CYREN: variants seen among roughly 807,000 people sequenced by gnomAD.
CYREN encodes cell cycle regulator of non-homologous end joining.
CYREN carries 7 observed loss-of-function variants against 9.7 expected under a neutral mutation model. The observed-to-expected ratio is 0.72, with a 90% confidence interval of 0.41 to 1.36. CYREN has a LOEUF of 1.36. Among genes scored for constraint, CYREN ranks in the 40% most tolerant of loss-of-function variants. The pLI is 0.01. For missense variants in CYREN, 215 were observed against 198.1 expected (o/e 1.09, Z -0.51); for synonymous variants, 76 against 77.9 (o/e 0.98, Z 0.13).
chr7:135,119,856 G>T (rs1014862933), intron 2 of CYREN, among the ~76,000 whole-genome samples: 4 of 152,092 alleles, frequency 2.6e-5, no homozygotes, highest in African/African-American at 9.7e-5. Flanking sequence ...CAGCCTGGGT[G>T]ACAGAGCGAG....
At chr7:135,109,710 A>G (rs1246179875) in intron 2 of CYREN, among the ~76,000 whole-genome samples, 1 of 152,160 alleles carries the variant, frequency 6.6e-6, no homozygotes, top group East Asian at 1.9e-4. Context: ...CCTCCCAGTG[A>G]AGAGAAATGG....
intron 2 of CYREN, among the ~76,000 whole-genome samples, chr7:135,156,688 G>A (rs575714456): frequency 1.1e-4 from 17 of 152,074 alleles, no homozygotes; most frequent in Non-Finnish European, 2.2e-4. Flanking sequence ...TCAATATTTT[G>A]AATTCTTTAT....
chr7:135,126,974 C>T (rs1034460689), intron 2 of CYREN, among the ~76,000 whole-genome samples: 1 of 152,060 alleles, frequency 6.6e-6, no homozygotes, highest in Admixed American at 6.5e-5. Context: ...GACTTCATGA[C>T]AAAACACCAA....
At chr7:135,096,840 C>T (rs192029331) in intron 2 of CYREN, among the ~76,000 whole-genome samples, 86 of 151,628 alleles carry the variant, frequency 5.7e-4, no homozygotes, top group Non-Finnish European at 9.4e-4. Context: ...TAATGACTGG[C>T]GGAAGAACAT....
intron 2 of CYREN, among the ~76,000 whole-genome samples, chr7:135,107,951 G>C (rs1824999807): frequency 6.6e-6 from 1 of 151,928 alleles, no homozygotes; most frequent in Non-Finnish European, 1.5e-5. Flanking sequence ...ATTGAGCCCT[G>C]ATTACCATTA....
chr7:135,133,067 GCA>G (rs55861736), intron 2 of CYREN, among the ~76,000 whole-genome samples: 28,129 of 150,196 alleles, frequency 0.19, 2,504 homozygotes, highest in Non-Finnish European at 0.2. Flanking sequence ...ACGCATGCGT[GCA>G]CACACACACA....
chr7:135,128,502 T>C (rs537448915), intron 2 of CYREN: 2 of 758,006 alleles, frequency 2.6e-6, no homozygotes, highest in East Asian at 2.5e-5. Context: ...GTATTTACGA[T>C]GGAGATGAAT....
chr7:135,099,472 T>C (rs1823432458), intron 2 of CYREN, among the ~76,000 whole-genome samples: 1 of 152,194 alleles, frequency 6.6e-6, no homozygotes, highest in Non-Finnish European at 1.5e-5. Flanking sequence ...AATTAAGTTT[T>C]ATTGATTTTT....
intron 2 of CYREN, among the ~76,000 whole-genome samples, chr7:135,156,973 C>A (rs946273126): frequency 6.6e-6 from 1 of 152,188 alleles, no homozygotes; most frequent in Non-Finnish European, 1.5e-5. Flanking sequence ...TCCTCATTTT[C>A]TCTTGCCACC....
At chr7:135,146,239 G>A (rs1358893579) in intron 2 of CYREN, among the ~76,000 whole-genome samples, 1 of 152,132 alleles carries the variant, frequency 6.6e-6, no homozygotes, top group Non-Finnish European at 1.5e-5. Flanking sequence ...CACACGGTCA[G>A]AACACCAACA....
Position 135,138,134 on chromosome 7 carries a change from A to G in CYREN, n.356+30615T>C, listed in dbSNP as rs540645000. On this transcript the variant is annotated intron_variant and non_coding_transcript_variant, in intron 2 of 2. Coordinates refer to the CYREN transcript ENST00000459937. The stretch of plus-strand genomic sequence containing the variant: ...AATGGACTTTTTCAGACAAACAAAA[A>G]TTGTGGGAATTTGTCATCTCTAGAG... 9.3e-4 allele frequency among the ~76,000 whole-genome samples: 142 copies of G among 152,174 alleles called. 1 individual carries two copies. In the South Asian group the frequency reaches 0.017, roughly 18 times the overall value.
intron 2 of CYREN, among the ~76,000 whole-genome samples, chr7:135,118,994 A>G (rs1290470045): frequency 6.6e-6 from 1 of 152,188 alleles, no homozygotes; most frequent in Admixed American, 6.5e-5. Context: ...ATAGGCTTAA[A>G]ATAAAATGAA....
chr7:135,112,588 G>A (rs1224520994), intron 2 of CYREN, among the ~76,000 whole-genome samples: 1 of 151,954 alleles, frequency 6.6e-6, no homozygotes, highest in Non-Finnish European at 1.5e-5. Context: ...CCATCTATAA[G>A]TATGGCTATA....
Position 135,168,756 on chromosome 7 carries a change from G to T in CYREN, c.137+30C>A, listed in dbSNP as rs140377437. On this transcript the variant is annotated intron_variant, in intron 2 of 3. Coordinates refer to ENST00000393114, the MANE Select transcript of CYREN (RefSeq NM_024033.4). ...GGCCCCTGCTCCACTTGCCAGATTC[G>T]CAGGAGTCTTCTGACCAGAGCTGTC... The T allele has an allele frequency of 3.7e-3, 5,903 of 1,606,772 alleles. 17 individuals carry two copies. The highest frequency in any genetic ancestry group is 4.6e-3 in the Non-Finnish European group (5,388 of 1,176,558).
At chr7:135,152,860 C>T (rs1829697546) in intron 2 of CYREN, 1 of 152,180 alleles carries the variant, frequency 6.6e-6, no homozygotes, top group African/African-American at 2.4e-5. Context: ...ATGTAAGTTC[C>T]ATGCGGCAGT....
At chr7:135,094,085 A>G (rs956502352) in exon 3 of CYREN, 5 of 281,140 alleles carry the variant, frequency 1.8e-5, no homozygotes, top group African/African-American at 9.1e-5. Context: ...TATACCATAC[A>G]CTAAAAATAA....
intron 2 of CYREN, among the ~76,000 whole-genome samples, chr7:135,110,451 T>C (rs1825464459): frequency 6.6e-6 from 1 of 152,144 alleles, no homozygotes; most frequent in Admixed American, 6.5e-5. Context: ...CATGTATCAA[T>C]AACCCTATGT....
At chr7:135,147,585 C>T (rs1829571785) in intron 2 of CYREN, among the ~76,000 whole-genome samples, 2 of 152,164 alleles carry the variant, frequency 1.3e-5, no homozygotes, top group South Asian at 4.1e-4. Context: ...TGGGCCTAAA[C>T]ACTGCAGTGA....
intron 2 of CYREN, 174 bp from the exon 3 acceptor site, chr7:135,167,981 C>T: frequency 8.8e-7 from 1 of 1,137,490 alleles, no homozygotes; most frequent in East Asian, 2.6e-5. Context: ...CCTTGCAGCC[C>T]AGTGACTGGC....
Sources: allele counts gnomAD v4.1 joint callset (sites outside exome capture counted in the v4.1 genomes callset), GRCh38; gene constraint gnomAD v4.1.1; transcripts MANE v1.5; gene names NCBI Gene and HGNC (gene_info 2026-07-23, HGNC 2026-07-21).